Variants in ERG observed in about 807,000 individuals in gnomAD.
The protein encoded by ERG is ETS transcription factor ERG.
ERG carries 9 observed loss-of-function variants against 55.3 expected under a neutral mutation model. The observed-to-expected ratio is 0.16, with a 90% CI of 0.10 to 0.28. The LOEUF (loss-of-function observed/expected upper bound fraction) is 0.28. Ranked by LOEUF, ERG falls within the 10% of genes least tolerant of loss-of-function variation. The pLI is 1.00. For synonymous variants in ERG, 223 were observed against 237.3 expected (o/e 0.94, Z 0.55); for missense variants, 434 against 631.6 (o/e 0.69, Z 3.35).
chr21:38,503,761 G>A (rs577129762), intron 2 of ERG, among the ~76,000 whole-genome samples: 1 of 152,298 alleles, frequency 6.6e-6, no homozygotes, highest in East Asian at 1.9e-4. Flanking sequence ...CCAGGAACAT[G>A]CCTGAGATTG....
chr21:38,454,876 C>T (rs980788510), intron 1 of ERG, among the ~76,000 whole-genome samples: 11 of 152,138 alleles, frequency 7.2e-5, no homozygotes, highest in Admixed American at 1.3e-4. Context: ...TTCAAGAGCA[C>T]GTCTGTCACT....
At chr21:38,631,958 G>A (rs559207862) in intron 1 of ERG, among the ~76,000 whole-genome samples, 5 of 152,014 alleles carry the variant, frequency 3.3e-5, no homozygotes, top group South Asian at 4.2e-4. Flanking sequence ...CCAGAAAGTC[G>A]TTGCTCAAGG....
intron 1 of ERG, among the ~76,000 whole-genome samples, chr21:38,592,453 C>T (rs1240443114): frequency 1.3e-5 from 2 of 152,140 alleles, no homozygotes; most frequent in Admixed American, 6.5e-5. Flanking sequence ...AGGCGGAGTT[C>T]CAAATCTGGA....
chr21:38,409,172 C>A (rs1027053660), intron 3 of ERG, among the ~76,000 whole-genome samples: 9 of 152,036 alleles, frequency 5.9e-5, no homozygotes, highest in Non-Finnish European at 1.3e-4. Flanking sequence ...ATGACCACAA[C>A]CACAAAGCAG....
At chr21:38,454,872 A>G (rs1318309024) in intron 1 of ERG, among the ~76,000 whole-genome samples, 17 of 152,182 alleles carry the variant, frequency 1.1e-4, no homozygotes, top group Admixed American at 1.1e-3. Context: ...TTACTTCAAG[A>G]GCACGTCTGT....
At chr21:38,559,717 T>C (rs1044415420) in intron 2 of ERG, among the ~76,000 whole-genome samples, 1 of 152,206 alleles carries the variant, frequency 6.6e-6, no homozygotes, top group African/African-American at 2.4e-5. Flanking sequence ...GTTTCGCTCT[T>C]GTTGCCCAGG....
chr21:38,648,883 C>T (rs774113493), intron 1 of ERG, among the ~76,000 whole-genome samples: 8 of 152,126 alleles, frequency 5.3e-5, no homozygotes, highest in Non-Finnish European at 1.0e-4. Context: ...TCACTAACGA[C>T]GACACTTCAG....
chr21:38,442,356 C>T (rs1022472731), intron 2 of ERG, among the ~76,000 whole-genome samples: 2 of 152,268 alleles, frequency 1.3e-5, no homozygotes, highest in Non-Finnish European at 1.5e-5. Flanking sequence ...GATCGTGCCA[C>T]TTCCCTGCAG....
intron 2 of ERG, among the ~76,000 whole-genome samples, chr21:38,525,909 T>C (rs1281828290): frequency 1.3e-5 from 2 of 152,228 alleles, no homozygotes; most frequent in African/African-American, 4.8e-5. Flanking sequence ...AAGCTTGTTT[T>C]TCTTTAAGGC....
At chr21:38,652,716 C>A (rs1305208550) in intron 1 of ERG, among the ~76,000 whole-genome samples, 4 of 152,186 alleles carry the variant, frequency 2.6e-5, no homozygotes, top group Non-Finnish European at 4.4e-5. Context: ...AGCAAGCATG[C>A]CCAAGAACGG....
intron 2 of ERG, among the ~76,000 whole-genome samples, chr21:38,520,867 A>C (rs964514096): frequency 1.3e-5 from 2 of 152,164 alleles, no homozygotes; most frequent in African/African-American, 4.8e-5. Flanking sequence ...GATTGGGGAG[A>C]GCAGATCGGG....
chr21:38,382,562 C>T lies in ERG; in HGVS notation c.*841G>A. ...TCTCCTAACACTGGGTTTGGTATAACACTGACTGCATGAACCCTCGAGTCT... is the reference window on the plus strand; with the variant it reads ...TCTCCTAACACTGGGTTTGGTATAATACTGACTGCATGAACCCTCGAGTCT... On this transcript the variant is annotated 3_prime_UTR_variant, in exon 10 of 10. Coordinates refer to ENST00000288319, the MANE Select transcript of ERG (RefSeq NM_182918.4). The T allele has an allele frequency of 2.8e-6, 3 of 1,065,960 alleles. No individual in the cohort carries two copies. The highest frequency in any genetic ancestry group is 3.4e-6 in the Non-Finnish European group (3 of 879,414). The allele number at this position is 1,065,960 out of a possible 1,614,324, so 66.0% of individuals were successfully genotyped here.
At chr21:38,457,435 CAA>C (rs11323156) in intron 1 of ERG, among the ~76,000 whole-genome samples, 19,046 of 140,076 alleles carry the variant, frequency 0.14, 1,266 homozygotes, top group South Asian at 0.22. Flanking sequence ...GACTCTGTCT[CAA>C]AAAAAAAAAA....
At chr21:38,449,830 T>G (rs766623148) in intron 1 of ERG, among the ~76,000 whole-genome samples, 3 of 152,086 alleles carry the variant, frequency 2.0e-5, no homozygotes, top group Non-Finnish European at 4.4e-5. Flanking sequence ...TTTTGAAAAT[T>G]TGGGAGTGGT....
At chr21:38,464,082 T>C (rs1487674423) in intron 1 of ERG, among the ~76,000 whole-genome samples, 3 of 152,186 alleles carry the variant, frequency 2.0e-5, no homozygotes, top group Non-Finnish European at 4.4e-5. Flanking sequence ...TTCATGTTTT[T>C]TTTTTATGAA....
At chr21:38,415,520 G>C (rs1483293661) in intron 3 of ERG, among the ~76,000 whole-genome samples, 1 of 152,068 alleles carries the variant, frequency 6.6e-6, no homozygotes, top group Non-Finnish European at 1.5e-5. Context: ...TTAGTTGTTT[G>C]AGCATAGCAG....
At chr21:38,503,917 C>T (rs145467517) in intron 2 of ERG, among the ~76,000 whole-genome samples, 274 of 152,184 alleles carry the variant, frequency 1.8e-3, no homozygotes, top group African/African-American at 6.3e-3. Context: ...ACCCAGTCAG[C>T]GCTGTTTAAG....
chr21:38,501,586 C>T (rs143236305), upstream of ERG, among the ~76,000 whole-genome samples: 1,016 of 152,222 alleles, frequency 6.7e-3, 6 homozygotes, highest in Non-Finnish European at 8.6e-3. Flanking sequence ...ATATGCCCTC[C>T]AAGCCACCAC....
At chr21:38,439,564 G>A (rs2058821315) in intron 2 of ERG, among the ~76,000 whole-genome samples, 1 of 152,156 alleles carries the variant, frequency 6.6e-6, no homozygotes, top group Non-Finnish European at 1.5e-5. Context: ...GAAAGGGAGA[G>A]GGTGGCTGTG....
Sources: allele counts gnomAD v4.1 joint callset (sites outside exome capture counted in the v4.1 genomes callset), GRCh38; gene constraint gnomAD v4.1.1; transcripts MANE v1.5; gene names NCBI Gene and HGNC (gene_info 2026-07-23, HGNC 2026-07-21).